MKRN2OS: variants seen among roughly 807,000 people sequenced by gnomAD.
MKRN2OS encodes MKRN2 opposite strand protein.
In MKRN2OS, 17 loss-of-function variants were observed where a neutral mutation model predicts 18.2. That is an observed-to-expected ratio of 0.93 (90% CI 0.64 to 1.40). The LOEUF is 1.40. MKRN2OS is among the 40% of genes most tolerant of loss of function. The pLI is 0.00. For synonymous variants in MKRN2OS, 121 were observed against 108.5 expected (o/e 1.12, Z -0.72); for missense variants, 337 against 283.0 (o/e 1.19, Z -1.37).
chr3:12,555,700 G>T lies in MKRN2OS; in HGVS notation n.265-1566C>A, dbSNP rs143804416. On this transcript the variant is annotated intron_variant and non_coding_transcript_variant, in intron 1 of 1. Coordinates refer to the MKRN2OS transcript ENST00000447550. ...CAAGCAATGACCTTTGTAAAGTATT[G>T]CCTGGGAAGGACCATAAGGAAGCCC... Among the ~76,000 whole-genome samples, 515 of 152,266 alleles carry T rather than the reference G, an allele frequency of 3.4e-3. 4 individuals carry two copies. The highest frequency in any genetic ancestry group is 0.012 in the African/African-American group (502 of 41,550).
At chr3:12,544,791 T>C (rs1296373471) in intron 1 of MKRN2OS, among the ~76,000 whole-genome samples, 1 of 152,236 alleles carries the variant, frequency 6.6e-6, no homozygotes, top group Non-Finnish European at 1.5e-5. Flanking sequence ...CCAGGTGGTG[T>C]CTACAGTGGA....
intron 1 of MKRN2OS, among the ~76,000 whole-genome samples, chr3:12,558,957 T>TTA (rs2058010344): frequency 6.6e-6 from 1 of 152,206 alleles, no homozygotes; most frequent in Non-Finnish European, 1.5e-5. Flanking sequence ...CTAAGGTCAT[T>TTA]TAGCTTCCAA....
chr3:12,559,436 G>GT (rs1194570649), intron 1 of MKRN2OS, among the ~76,000 whole-genome samples: 4 of 151,818 alleles, frequency 2.6e-5, no homozygotes, highest in East Asian at 1.9e-4. Flanking sequence ...GGTTTTGTTT[G>GT]TTTTTTTGTT....
Position 12,541,259 on chromosome 3 carries a change from T to C in MKRN2OS, c.431+601A>G, listed in dbSNP as rs555168624. Among the ~76,000 whole-genome samples the C allele has an allele frequency of 5.9e-5, 9 of 152,264 alleles. No individual in the cohort carries two copies. The South Asian group carries it at 1.9e-3, about 32-fold the overall frequency. ...TTTTTGGTGAGACGAAGTCTTACTCTCTTGCCCAGGCTGGAGTGCAATCGT... is the reference window on the plus strand; with the variant it reads ...TTTTTGGTGAGACGAAGTCTTACTCCCTTGCCCAGGCTGGAGTGCAATCGT... On this transcript the variant is annotated intron_variant, in intron 3 of 3. Transcript: ENST00000564146.
chr3:12,546,367 C>T (rs2057883115), upstream of MKRN2OS, among the ~76,000 whole-genome samples: 1 of 151,922 alleles, frequency 6.6e-6, no homozygotes, highest in Non-Finnish European at 1.5e-5. Context: ...GAGATACTGA[C>T]TGGGAGAGGA....
intron 1 of MKRN2OS, among the ~76,000 whole-genome samples, chr3:12,543,869 G>T (rs923453867): frequency 6.7e-6 from 1 of 149,364 alleles, no homozygotes; most frequent in African/African-American, 2.5e-5. Context: ...TCCACCCTGG[G>T]CAACAGAGTA....
chr3:12,557,052 T>A, intron 1 of MKRN2OS: 1 of 773,050 alleles, frequency 1.3e-6, no homozygotes, highest in Non-Finnish European at 1.7e-6. Context: ...TGCGCCGGCG[T>A]GACGCGGCTA....
At chr3:12,550,625 T>C (rs962923808), downstream of MKRN2OS, among the ~76,000 whole-genome samples, 1 of 152,230 alleles carries the variant, frequency 6.6e-6, no homozygotes, top group African/African-American at 2.4e-5. Context: ...TATATTTTAC[T>C]TTCTTTTCAT....
At chr3:12,544,745 GCT>G (rs1292529128) in intron 1 of MKRN2OS, among the ~76,000 whole-genome samples, 1 of 152,018 alleles carries the variant, frequency 6.6e-6, no homozygotes, top group Admixed American at 6.6e-5. Flanking sequence ...TTATGCTAGC[GCT>G]CTCAGCAAGA....
At chr3:12,554,529 G>C (rs2057952257) in intron 1 of MKRN2OS, among the ~76,000 whole-genome samples, 1 of 151,210 alleles carries the variant, frequency 6.6e-6, no homozygotes, top group African/African-American at 2.4e-5. Context: ...TATTGCCCAT[G>C]ACACAGACCT....
Position 12,539,864 on chromosome 3 carries a change from C to A in MKRN2OS, c.*329G>T. Reference sequence around the variant, plus strand: ...GCAATGGCACGATCTCAACTCATCCCAACCTCCGCCTCCCGGGTTCAAGCG... The same window carrying A: ...GCAATGGCACGATCTCAACTCATCCAAACCTCCGCCTCCCGGGTTCAAGCG... On this transcript the variant is annotated 3_prime_UTR_variant, in exon 4 of 4. Coordinates refer to ENST00000564146, the MANE Select transcript of MKRN2OS (RefSeq NM_001195279.2). The A allele has an allele frequency of 3.3e-6, 1 of 303,820 alleles. No homozygotes were observed. The highest frequency in any genetic ancestry group is 6.4e-6 in the Non-Finnish European group (1 of 155,942). 18.8% of individuals were successfully genotyped at this position (303,820 alleles called of 1,614,324 possible). A position where few individuals can be genotyped will look rare whatever the true frequency, so the allele number is the denominator to read the frequency against.
At chr3:12,547,848 T>C (rs1424145273), upstream of MKRN2OS, among the ~76,000 whole-genome samples, 2 of 152,052 alleles carry the variant, frequency 1.3e-5, no homozygotes, top group Non-Finnish European at 2.9e-5. Context: ...TGCAGAAAAG[T>C]GCATCTCCAG....
At chr3:12,548,262 C>CA, upstream of MKRN2OS, among the ~76,000 whole-genome samples, 1 of 152,148 alleles carries the variant, frequency 6.6e-6, no homozygotes, top group Non-Finnish European at 1.5e-5. Flanking sequence ...TCCTGGCTGA[C>CA]ACGGTGAAAC....
chr3:12,544,294 C>T (rs1317046848), intron 1 of MKRN2OS, among the ~76,000 whole-genome samples: 1 of 152,178 alleles, frequency 6.6e-6, no homozygotes, highest in East Asian at 1.9e-4. Flanking sequence ...CTAAAGCATA[C>T]ACCAACATTC....
At chr3:12,545,034 A>G (rs943150308) in intron 1 of MKRN2OS, among the ~76,000 whole-genome samples, 10 of 132,648 alleles carry the variant, frequency 7.5e-5, no homozygotes, top group African/African-American at 2.8e-4. Flanking sequence ...CATATATTCC[A>G]CATATATTCT....
At chr3:12,543,135 T>G (rs1341553188) in intron 2 of MKRN2OS, 45 bp downstream of exon 2, 2 of 1,461,358 alleles carry the variant, frequency 1.4e-6, no homozygotes, top group Non-Finnish European at 9.2e-7. Flanking sequence ...CTGCTTTCCT[T>G]TTGCTGGGTA....
At chr3:12,542,711 TA>T (rs544900301) in intron 2 of MKRN2OS, among the ~76,000 whole-genome samples, 5,161 of 108,992 alleles carry the variant, frequency 0.047, 290 homozygotes, top group African/African-American at 0.19. Context: ...TCACTTTCCT[TA>T]AAAAAAAAAA....
intron 2 of MKRN2OS, among the ~76,000 whole-genome samples, chr3:12,542,301 A>G (rs1031893204): frequency 2.6e-5 from 4 of 152,202 alleles, no homozygotes; most frequent in African/African-American, 9.7e-5. Context: ...CCCAGGAAAC[A>G]GAGACAATGA....
downstream of MKRN2OS, among the ~76,000 whole-genome samples, chr3:12,552,283 A>T (rs1206710646): frequency 3.3e-5 from 5 of 151,884 alleles, no homozygotes; most frequent in Non-Finnish European, 5.9e-5. Flanking sequence ...GTGCCGCTGC[A>T]CTTCAGCCTG....
Sources: gnomAD v4.1 joint callset for allele counts (sites outside exome capture counted in the v4.1 genomes callset) on GRCh38, gnomAD v4.1.1 for gene constraint, MANE v1.5 for transcripts, NCBI Gene and HGNC (gene_info 2026-07-23, HGNC 2026-07-21) for gene names.